Variants in MAPRE3 observed in about 807,000 individuals in gnomAD.
The protein encoded by MAPRE3 is microtubule associated protein RP/EB family member 3.
MAPRE3 carries 2 observed loss-of-function variants against 30.5 expected under a neutral mutation model. The ratio of observed to expected loss-of-function variants is 0.07; its 90% CI spans 0.03 to 0.21. The LOEUF (loss-of-function observed/expected upper bound fraction) is 0.21. Among genes scored for constraint, MAPRE3 ranks in the 10% least tolerant of loss-of-function variants. The pLI is 1.00. For missense variants in MAPRE3, 204 were observed against 351.8 expected (o/e 0.58, Z 3.36); for synonymous variants, 110 against 127.7 (o/e 0.86, Z 0.93).
At chr2:26,983,848 T>C (rs1487454674) in intron 1 of MAPRE3, among the ~76,000 whole-genome samples, 10 of 152,210 alleles carry the variant, frequency 6.6e-5, no homozygotes, top group Admixed American at 6.5e-4. Flanking sequence ...CTTAAGAAGC[T>C]TCCCAAGATA....
intron 1 of MAPRE3, among the ~76,000 whole-genome samples, chr2:26,977,522 T>C (rs193171925): frequency 6.6e-6 from 1 of 152,340 alleles, no homozygotes; most frequent in East Asian, 1.9e-4. Context: ...CCTGTCTGAA[T>C]TGTCTGTTTC....
rs916704426 is a variant in MAPRE3, at chr2:26,986,694, G to C, written c.-8+15892G>C. On this transcript the variant is annotated intron_variant, in intron 1 of 6. Coordinates refer to ENST00000233121, the MANE Select transcript of MAPRE3 (RefSeq NM_012326.4). This position sits in a 1 kb window ranked among gnomAD's most constrained non-coding sequence, Gnocchi z 4.2. ...CTTCTCAGGCAGACTAAGCTGGATG[G>C]GCCTTTGGTTTGGGCCAGTAAGGGT... is the stretch of plus-strand genomic sequence containing the variant. The C allele has an allele frequency of 6.6e-6, 1 of 152,202 alleles. No homozygotes were observed. Among genetic ancestry groups the C allele is most frequent in the African/African-American group, 2.4e-5 (1 of 41,406 alleles). The allele number at this position is 152,202 out of a possible 1,614,324, so 9.4% of individuals were successfully genotyped here. A position where few individuals can be genotyped will look rare whatever the true frequency, so the allele number is the denominator to read the frequency against.
intron 6 of MAPRE3, 58 bp from the exon 7 acceptor site, chr2:27,026,222 T>C: frequency 1.3e-6 from 2 of 1,528,830 alleles, no homozygotes; most frequent in South Asian, 2.4e-5. Flanking sequence ...TTACAGAACC[T>C]GAGAAGCCCT....
In MAPRE3 at chr2:27,027,197, C is replaced by T. The variant is rs539083713; in HGVS notation, c.*849C>T. 6.6e-6 allele frequency: 1 copy of T among 152,522 alleles called. No homozygotes were observed. Among genetic ancestry groups the T allele is most frequent in the Admixed American group, 6.5e-5 (1 of 15,314 alleles). 9.4% of individuals were successfully genotyped at this position (152,522 alleles called of 1,614,324 possible). The stretch of plus-strand genomic sequence containing the variant: ...TAAATAAACTTGTGTGGTAAAAGTA[C>T]ATGCCATGTGTCCCTCAACTGAGCC... On this transcript the variant is annotated 3_prime_UTR_variant, in exon 7 of 7. Transcript: ENST00000233121.
At chr2:27,010,067 T>C (rs747693725) in intron 1 of MAPRE3, among the ~76,000 whole-genome samples, 3 of 152,252 alleles carry the variant, frequency 2.0e-5, no homozygotes, top group East Asian at 1.9e-4. Flanking sequence ...GAGTGACTGA[T>C]TGAATCTGAG....
chr2:26,974,900 T>C (rs1349044627), intron 1 of MAPRE3, among the ~76,000 whole-genome samples: 2 of 152,224 alleles, frequency 1.3e-5, no homozygotes, highest in African/African-American at 4.8e-5. Flanking sequence ...CAAAATTGTT[T>C]CGTGATTTAG....
chr2:27,022,090 C>A, intron 1 of MAPRE3, 122 bp from the exon 2 acceptor site: 1 of 1,156,918 alleles, frequency 8.6e-7, no homozygotes, highest in Non-Finnish European at 1.2e-6. Context: ...TGGGGATAAA[C>A]TGCGAGGCCA....
intron 1 of MAPRE3, among the ~76,000 whole-genome samples, chr2:26,993,106 AC>A (rs1558375745): frequency 2.0e-5 from 3 of 152,146 alleles, no homozygotes; most frequent in African/African-American, 7.2e-5. Flanking sequence ...GCAGTGGCTC[AC>A]CCCTGTAATC....
At chr2:27,014,235 G>A (rs1016702225) in intron 1 of MAPRE3, 26 of 152,126 alleles carry the variant, frequency 1.7e-4, no homozygotes, top group Admixed American at 4.6e-4. Context: ...TATACTGCAG[G>A]GTTTCCGTTA....
chr2:27,003,344 A>G lies in MAPRE3; in HGVS notation c.-7-18868A>G, dbSNP rs553302183. Among the ~76,000 whole-genome samples, 7 of 152,298 alleles carry G rather than the reference A, an allele frequency of 4.6e-5. No homozygotes were observed. In the South Asian group the frequency reaches 1.5e-3, roughly 32 times the overall value. On this transcript the variant is annotated intron_variant, in intron 1 of 6. Coordinates refer to ENST00000233121, the MANE Select transcript of MAPRE3 (RefSeq NM_012326.4). The stretch of plus-strand genomic sequence containing the variant: ...AGGCTGAATGCAGAACACAGGCCAA[A>G]GCCCCAGACCACATCACTACCCCTC...
chr2:26,987,670 T>G (rs933168160), intron 1 of MAPRE3, among the ~76,000 whole-genome samples: 2 of 151,968 alleles, frequency 1.3e-5, no homozygotes, highest in Admixed American at 1.3e-4. Flanking sequence ...AGAAAAAGTT[T>G]CTAGGGGTTG....
At chr2:26,979,490 G>A (rs753750955) in intron 1 of MAPRE3, among the ~76,000 whole-genome samples, 1 of 152,202 alleles carries the variant, frequency 6.6e-6, no homozygotes. Flanking sequence ...GGAAGCCAAG[G>A]CAGGAGGATG....
intron 1 of MAPRE3, among the ~76,000 whole-genome samples, chr2:27,018,362 A>AGCTCCTGGCCGTCCTCTGCACCC (rs1667033137): frequency 6.6e-6 from 1 of 152,134 alleles, no homozygotes; most frequent in African/African-American, 2.4e-5. Context: ...CCTCTGCACC[A>AGCTCCTGGCCGTCCTCTGCACCC]GCTCCTGGCC....
intron 4 of MAPRE3, 32 bp downstream of exon 4, chr2:27,024,329 G>C (rs762492084): frequency 6.2e-7 from 1 of 1,601,398 alleles, no homozygotes; most frequent in South Asian, 1.1e-5. Context: ...AGGGAGCGTG[G>C]GGGGCCGGGC....
At chr2:27,019,371 T>TGGCGGGGGGATGGTGGGGGG (rs1558386269) in intron 1 of MAPRE3, among the ~76,000 whole-genome samples, 1 of 134,442 alleles carries the variant, frequency 7.4e-6, no homozygotes, top group Non-Finnish European at 1.6e-5. Flanking sequence ...ATGGTGGGGG[T>TGGCGGGGGGATGGTGGGGGG]ATGGCAGGGG....
intron 1 of MAPRE3, among the ~76,000 whole-genome samples, chr2:26,998,690 C>T (rs551013615): frequency 6.6e-6 from 1 of 152,178 alleles, no homozygotes; most frequent in Non-Finnish European, 1.5e-5. Context: ...GAAGTATCTC[C>T]ACACAGTATT....
At position 27,025,572 on chromosome 2, in the gene MAPRE3, C is replaced by T. The variant is rs748624234; in HGVS notation, c.470-11C>T. On this transcript the variant is annotated splice_polypyrimidine_tract_variant and intron_variant, in intron 4 of 6. Transcript: ENST00000233121. ...TCACGTGGACTTACCTGACTCTTTT[C>T]CTCTGGGCAGTTCCACAGAGGACGT... The T allele has an allele frequency of 6.4e-7, 1 of 1,559,910 alleles. No individual in the cohort carries two copies. Among genetic ancestry groups the T allele is most frequent in the Admixed American group, 1.9e-5 (1 of 52,608 alleles).
chr2:27,025,475 T>G, intron 4 of MAPRE3, 108 bp from the exon 5 acceptor site: 4 of 1,145,698 alleles, frequency 3.5e-6, no homozygotes, highest in East Asian at 2.5e-5. Context: ...GGGGTGAGAG[T>G]GCCTGCCTGT....
At chr2:26,978,380 G>A (rs1278557785) in intron 1 of MAPRE3, among the ~76,000 whole-genome samples, 2 of 152,198 alleles carry the variant, frequency 1.3e-5, no homozygotes, top group Non-Finnish European at 2.9e-5. Context: ...GGCATAATGT[G>A]TGCTGTGTAG....
Sources: gnomAD v4.1 joint callset for allele counts (sites outside exome capture counted in the v4.1 genomes callset) on GRCh38, gnomAD v4.1.1 for gene constraint, Gnocchi (gnomAD v3.1) non-coding constraint, MANE v1.5 for transcripts, NCBI Gene and HGNC (gene_info 2026-07-23, HGNC 2026-07-21) for gene names.